Variants in GRID1 observed in about 807,000 individuals in gnomAD.
GRID1 encodes the protein glutamate ionotropic receptor delta type subunit 1.
Under a neutral mutation model 98.0 loss-of-function variants are expected in GRID1, and 28 were observed. The ratio of observed to expected loss-of-function variants is 0.29; its 90% confidence interval spans 0.21 to 0.39. GRID1 has a LOEUF of 0.39. Among genes scored for constraint, GRID1 ranks in the 10% least tolerant of loss-of-function variants. The pLI, the probability that GRID1 is intolerant of heterozygous loss-of-function variation, is 1.00. For synonymous variants in GRID1, 553 were observed against 538.5 expected (o/e 1.03, Z -0.37); for missense variants, 1,111 against 1,340.5 (o/e 0.83, Z 2.67).
intron 2 of GRID1, among the ~76,000 whole-genome samples, chr10:86,314,348 A>G (rs945014856): frequency 6.6e-6 from 1 of 152,106 alleles, no homozygotes; most frequent in Non-Finnish European, 1.5e-5. Flanking sequence ...GAAGTCAGAA[A>G]CTCCAGATGA....
intron 8 of GRID1, among the ~76,000 whole-genome samples, chr10:85,748,250 G>A (rs774427719): frequency 1.6e-4 from 25 of 152,170 alleles, no homozygotes; most frequent in Non-Finnish European, 5.9e-5. Flanking sequence ...ATTCCACACT[G>A]ATTGAGAAGC....
Position 85,666,854 on chromosome 10 carries a change from C to A in GRID1, c.1998-19457G>T, listed in dbSNP as rs567607391. ...TCACATCAGGTGCAGGTGTCCCCAT[C>A]CACCCAGGTCTCGCACTAACACCTG... On this transcript the variant is annotated intron_variant, in intron 12 of 15. Transcript: ENST00000327946. 9.2e-5 allele frequency among the ~76,000 whole-genome samples: 14 copies of A among 152,266 alleles called. 1 individual carries two copies. Among genetic ancestry groups the A allele is most frequent in the Admixed American group, 2.6e-4 (4 of 15,294 alleles).
chr10:85,803,938 T>G (rs906086523), intron 8 of GRID1, among the ~76,000 whole-genome samples: 1 of 151,942 alleles, frequency 6.6e-6, no homozygotes, highest in Non-Finnish European at 1.5e-5. Context: ...TTTATATTTT[T>G]TTAAAAGAGA....
intron 2 of GRID1, among the ~76,000 whole-genome samples, chr10:86,260,614 G>A (rs971081135): frequency 4.6e-5 from 7 of 152,206 alleles, no homozygotes; most frequent in African/African-American, 1.7e-4. Context: ...GGCCAGGGAG[G>A]GCTGTTAAGA....
intron 4 of GRID1, among the ~76,000 whole-genome samples, chr10:85,951,691 A>C (rs185985932): frequency 6.6e-6 from 1 of 152,220 alleles, no homozygotes; most frequent in African/African-American, 2.4e-5. Flanking sequence ...ACTGCAGCAG[A>C]CATTGCTGGT....
At chr10:86,098,671 C>T (rs1006951601) in intron 4 of GRID1, among the ~76,000 whole-genome samples, 1 of 152,196 alleles carries the variant, frequency 6.6e-6, no homozygotes, top group Non-Finnish European at 1.5e-5. Context: ...ACCAAAGTCT[C>T]CCCAGCACTG....
intron 2 of GRID1, among the ~76,000 whole-genome samples, chr10:86,359,607 C>T (rs1281560779): frequency 6.6e-6 from 1 of 152,160 alleles, no homozygotes; most frequent in African/African-American, 2.4e-5. Flanking sequence ...GCATGCATTC[C>T]TTTTTTCTGC....
chr10:86,138,140 T>C (rs555681700), intron 4 of GRID1, among the ~76,000 whole-genome samples: 18 of 152,284 alleles, frequency 1.2e-4, no homozygotes, highest in African/African-American at 4.3e-4. Context: ...CTCACCTCTC[T>C]GCCATTAGAC....
chr10:86,178,554 G>C (rs1198242978), intron 3 of GRID1, among the ~76,000 whole-genome samples: 3 of 152,168 alleles, frequency 2.0e-5, no homozygotes, highest in Non-Finnish European at 4.4e-5. Flanking sequence ...TGCCACAGGG[G>C]ACAGGCACAA....
intron 2 of GRID1, among the ~76,000 whole-genome samples, chr10:86,355,411 G>C (rs1036058758): frequency 6.6e-6 from 1 of 152,256 alleles, no homozygotes; most frequent in Non-Finnish European, 1.5e-5. Context: ...GTTGAGGGAT[G>C]AGTGTGAGGG....
chr10:85,988,042 T>C (rs758237358), intron 4 of GRID1, among the ~76,000 whole-genome samples: 7 of 152,170 alleles, frequency 4.6e-5, no homozygotes, highest in Non-Finnish European at 8.8e-5. Context: ...GAAGACCTGC[T>C]GAATAGAAAT....
intron 4 of GRID1, among the ~76,000 whole-genome samples, chr10:86,133,765 T>G (rs1340752558): frequency 1.3e-5 from 2 of 152,244 alleles, no homozygotes; most frequent in East Asian, 3.8e-4. Context: ...ACACAGTCCC[T>G]GGCCTACAGG....
At position 86,178,169 on chromosome 10, in the gene GRID1, C is replaced by A. The variant is rs903637088; in HGVS notation, c.520+28195G>T. Among the ~76,000 whole-genome samples, 8 of 152,226 alleles carry A rather than the reference C, an allele frequency of 5.3e-5. No individual in the cohort carries two copies. The East Asian group carries it at 7.7e-4, about 15-fold the overall frequency. ...TGACAAAATCTTCGAGTGAGCAGTT[C>A]TCCTAGTGGCCAACTCACCAGAAAC... On this transcript the variant is annotated intron_variant, in intron 3 of 15. Transcript: ENST00000327946.
At chr10:86,260,667 A>C (rs1440710100) in intron 2 of GRID1, among the ~76,000 whole-genome samples, 4 of 152,210 alleles carry the variant, frequency 2.6e-5, no homozygotes, top group Non-Finnish European at 5.9e-5. Flanking sequence ...GTGGGATGTG[A>C]GCCTCCAGAA....
At chr10:85,607,596 T>C (rs1842685451) in intron 15 of GRID1, among the ~76,000 whole-genome samples, 1 of 152,120 alleles carries the variant, frequency 6.6e-6, no homozygotes, top group Non-Finnish European at 1.5e-5. Flanking sequence ...GAAAGAGTTC[T>C]GATCAGTTCA....
intron 4 of GRID1, among the ~76,000 whole-genome samples, chr10:86,117,128 CAAT>C (rs1844595154): frequency 6.6e-6 from 1 of 151,564 alleles, no homozygotes; most frequent in African/African-American, 2.4e-5. Context: ...CCACAATCAG[CAAT>C]ACTACCACCA....
chr10:86,087,474 G>A (rs1287480136), intron 4 of GRID1, among the ~76,000 whole-genome samples: 7 of 144,224 alleles, frequency 4.9e-5, no homozygotes, highest in Admixed American at 7.1e-5. Context: ...GTTTATACCT[G>A]TGTCTCTACA....
chr10:86,000,121 G>C (rs1842786941), intron 4 of GRID1, among the ~76,000 whole-genome samples: 1 of 152,128 alleles, frequency 6.6e-6, no homozygotes, highest in African/African-American at 2.4e-5. Flanking sequence ...ATGAAATTTA[G>C]CAAAGTGGCA....
rs1349684565 is a variant in GRID1 at position 85,761,928 on chromosome 10, A to G, written c.1234-32314T>C. ...ACCACAGGAACAGAAAACAAAAGAA[A>G]TGCTTAAGACAGGGAAACATTGTTA... On this transcript the variant is annotated intron_variant, in intron 8 of 15. Coordinates refer to ENST00000327946, the MANE Select transcript of GRID1 (RefSeq NM_017551.3). 1.2e-4 allele frequency among the ~76,000 whole-genome samples: 19 copies of G among 152,220 alleles called. 1 individual carries two copies. The highest frequency in any genetic ancestry group is 1.2e-3 in the Admixed American group (19 of 15,286).
Sources: gnomAD v4.1 joint callset for allele counts (sites outside exome capture counted in the v4.1 genomes callset) on GRCh38, gnomAD v4.1.1 for gene constraint, MANE v1.5 for transcripts, NCBI Gene and HGNC (gene_info 2026-07-23, HGNC 2026-07-21) for gene names.